DAB1: variants seen among roughly 807,000 people sequenced by gnomAD.
The protein encoded by DAB1 is disabled homolog 1.
DAB1 carries 15 observed loss-of-function variants against 64.6 expected under a neutral mutation model. The ratio of observed to expected loss-of-function variants is 0.23; its 90% CI spans 0.16 to 0.36. The LOEUF is 0.36. Ranked by LOEUF, DAB1 falls within the 10% of genes least tolerant of loss-of-function variation. DAB1 has a pLI of 1.00. For synonymous variants in DAB1, 235 were observed against 251.9 expected, an observed-to-expected ratio of 0.93 and a Z score of 0.64; for missense variants, 596 against 706.7, an observed-to-expected ratio of 0.84 and a Z score of 1.78.
At chr1:57,138,607 T>C (rs892760414) in intron 3 of DAB1, among the ~76,000 whole-genome samples, 1 of 152,126 alleles carries the variant, frequency 6.6e-6, no homozygotes, top group African/African-American at 2.4e-5. Context: ...CATTCAATGG[T>C]TTCTAGATTG....
chr1:57,723,399 C>T (rs958603519), intron 6 of DAB1, among the ~76,000 whole-genome samples: 4 of 152,180 alleles, frequency 2.6e-5, no homozygotes, highest in Admixed American at 2.0e-4. Context: ...TGTTTCACAG[C>T]CTTATGCCAT....
chr1:58,168,006 C>T (rs1340972239), intron 4 of DAB1, among the ~76,000 whole-genome samples: 4 of 152,210 alleles, frequency 2.6e-5, no homozygotes, highest in East Asian at 3.9e-4. Context: ...ATTTTGGCAA[C>T]CCAGATGGGA....
chr1:57,763,210 C>G (rs1649161311), intron 6 of DAB1, among the ~76,000 whole-genome samples: 1 of 152,144 alleles, frequency 6.6e-6, no homozygotes, highest in Non-Finnish European at 1.5e-5. Flanking sequence ...TAAAATGCCT[C>G]TTGCTTTTTG....
At chr1:57,098,069 AC>A (rs1654337655) in intron 4 of DAB1, among the ~76,000 whole-genome samples, 1 of 152,124 alleles carries the variant, frequency 6.6e-6, no homozygotes, top group South Asian at 2.1e-4. Context: ...GAGCCACCGC[AC>A]CCAGCAGGAA....
intron 1 of DAB1, among the ~76,000 whole-genome samples, chr1:57,365,494 TC>T (rs1679922341): frequency 1.3e-5 from 2 of 150,032 alleles, no homozygotes. Flanking sequence ...AATTAAAGAG[TC>T]TAAAGGGCCC....
intron 4 of DAB1, among the ~76,000 whole-genome samples, chr1:58,241,706 G>A (rs986658891): frequency 4.6e-5 from 7 of 151,958 alleles, no homozygotes; most frequent in Admixed American, 1.3e-4. Flanking sequence ...ATCTTTTCAC[G>A]ACAAATGTGA....
intron 4 of DAB1, among the ~76,000 whole-genome samples, chr1:58,317,001 C>T (rs939398355): frequency 2.0e-5 from 3 of 152,192 alleles, no homozygotes; most frequent in Non-Finnish European, 2.9e-5. Context: ...TGATCCATAA[C>T]CAATCAGTTC....
At chr1:58,327,621 T>C (rs1320219139) in intron 4 of DAB1, among the ~76,000 whole-genome samples, 1 of 152,162 alleles carries the variant, frequency 6.6e-6, no homozygotes, top group Non-Finnish European at 1.5e-5. Flanking sequence ...ATAGTACTGC[T>C]TCACAGGGTA....
intron 5 of DAB1, among the ~76,000 whole-genome samples, chr1:58,033,979 C>T (rs781594874): frequency 2.6e-5 from 4 of 152,128 alleles, no homozygotes; most frequent in Non-Finnish European, 4.4e-5. Flanking sequence ...AATTCTAGAA[C>T]GGCCACCAGT....
At chr1:57,860,069 G>C (rs917642471) in intron 1 of DAB1, among the ~76,000 whole-genome samples, 2 of 152,178 alleles carry the variant, frequency 1.3e-5, no homozygotes, top group Admixed American at 6.5e-5. Flanking sequence ...AAACCAAAGA[G>C]AGGTTAAGAG....
intron 5 of DAB1, among the ~76,000 whole-genome samples, chr1:58,065,277 G>T (rs2100558978): frequency 6.6e-6 from 1 of 152,222 alleles, no homozygotes; most frequent in East Asian, 1.9e-4. Flanking sequence ...TTCAAATGCA[G>T]GGTGAATTTA....
At chr1:58,336,818 C>G (rs566555733) in intron 4 of DAB1, among the ~76,000 whole-genome samples, 2 of 152,166 alleles carry the variant, frequency 1.3e-5, no homozygotes, top group East Asian at 1.9e-4. Flanking sequence ...ACAGATGCAG[C>G]CTTTGAAAGT....
chr1:57,089,138 C>T (rs981181985), intron 4 of DAB1, among the ~76,000 whole-genome samples: 16 of 152,176 alleles, frequency 1.1e-4, no homozygotes, highest in African/African-American at 3.1e-4. Flanking sequence ...TGAAATTACA[C>T]GTGACTTGCT....
chr1:57,835,484 A>T (rs1258524813), intron 1 of DAB1, among the ~76,000 whole-genome samples: 1 of 152,180 alleles, frequency 6.6e-6, no homozygotes, highest in African/African-American at 2.4e-5. Context: ...TAGAAACCAC[A>T]GAATGCCTCT....
At chr1:57,978,526 A>C (rs1309530479) in intron 5 of DAB1, among the ~76,000 whole-genome samples, 1 of 152,202 alleles carries the variant, frequency 6.6e-6, no homozygotes, top group Non-Finnish European at 1.5e-5. Flanking sequence ...CATGTCTAGA[A>C]CACCAAAAGC....
chr1:57,824,613 G>T (rs577412624), downstream of DAB1, among the ~76,000 whole-genome samples: 11 of 152,266 alleles, frequency 7.2e-5, no homozygotes, highest in African/African-American at 2.4e-4. Context: ...ACTGATACAT[G>T]TCACATTTTC....
At chr1:58,242,481 A>G (rs1421250978) in intron 4 of DAB1, among the ~76,000 whole-genome samples, 1 of 152,146 alleles carries the variant, frequency 6.6e-6, no homozygotes, top group Non-Finnish European at 1.5e-5. Flanking sequence ...ATATAAAATT[A>G]TATCCATCTA....
chr1:58,425,424 AT>A (rs1214254556), intron 3 of DAB1, among the ~76,000 whole-genome samples: 1 of 152,120 alleles, frequency 6.6e-6, no homozygotes, highest in Non-Finnish European at 1.5e-5. Flanking sequence ...TTCTCTTAGT[AT>A]TTGCCTAAGC....
At chr1:58,545,794 G>A (rs557327681) in intron 1 of DAB1, among the ~76,000 whole-genome samples, 1 of 152,292 alleles carries the variant, frequency 6.6e-6, no homozygotes, top group African/African-American at 2.4e-5. Flanking sequence ...ACAGCTGTCA[G>A]ATTGGCAAAA....
Sources: gnomAD v4.1 joint callset for allele counts (sites outside exome capture counted in the v4.1 genomes callset) on GRCh38, gnomAD v4.1.1 for gene constraint, MANE v1.5 for transcripts, NCBI Gene and HGNC (gene_info 2026-07-23, HGNC 2026-07-21) for gene names.